Variants in PTGFRN observed in about 807,000 individuals in gnomAD.
PTGFRN encodes prostaglandin F2 receptor inhibitor.
In PTGFRN, 35 loss-of-function variants were observed where a neutral mutation model predicts 83.2. The ratio of observed to expected loss-of-function variants is 0.42; its 90% CI spans 0.32 to 0.56. PTGFRN has a LOEUF of 0.56. Ranked by LOEUF, PTGFRN falls within the 20% of genes least tolerant of loss-of-function variation. PTGFRN has a pLI of 0.11. For synonymous variants in PTGFRN, 519 were observed against 498.6 expected, an observed-to-expected ratio of 1.04 and a Z score of -0.55; for missense variants, 1,051 against 1,179.5, an observed-to-expected ratio of 0.89 and a Z score of 1.60.
At chr1:116,925,673 C>G (rs922426383) in intron 1 of PTGFRN, among the ~76,000 whole-genome samples, 2 of 152,124 alleles carry the variant, frequency 1.3e-5, no homozygotes, top group South Asian at 4.2e-4. Context: ...AGCTGGAGGT[C>G]CCTCCTTTCC....
intron 6 of PTGFRN, among the ~76,000 whole-genome samples, chr1:116,971,115 A>C (rs1650982865): frequency 6.6e-6 from 1 of 152,166 alleles, no homozygotes; most frequent in South Asian, 2.1e-4. Flanking sequence ...TCTTCCTAGA[A>C]TGTTTTTCTT....
intron 4 of PTGFRN, among the ~76,000 whole-genome samples, chr1:116,957,569 C>T (rs1248053896): frequency 6.6e-6 from 1 of 152,052 alleles, no homozygotes; most frequent in Non-Finnish European, 1.5e-5. Flanking sequence ...TGTTGAATGG[C>T]TAAATCAAGC....
At position 116,941,533 on chromosome 1, in the gene PTGFRN, T is replaced by C. The variant is rs977876926; in HGVS notation, c.50-182T>C. Among the ~76,000 whole-genome samples the C allele has an allele frequency of 1.3e-5, 2 of 152,234 alleles. No homozygotes were observed. Among genetic ancestry groups the C allele is most frequent in the African/African-American group, 4.8e-5 (2 of 41,458 alleles). ...GTGTGAGAGATGCTCATTTTGAGGT[T>C]GCATTCCTGGCTCATTATTTAAGGG... is the stretch of plus-strand genomic sequence containing the variant. On this transcript the variant is annotated intron_variant, in intron 1 of 8. Transcript: ENST00000393203. The surrounding 1 kb of genome is among the most constrained non-coding windows in gnomAD (Gnocchi z 5.0).
chr1:116,932,257 A>G (rs976867012), intron 1 of PTGFRN, among the ~76,000 whole-genome samples: 2 of 152,222 alleles, frequency 1.3e-5, no homozygotes, highest in African/African-American at 2.4e-5. Flanking sequence ...ATGGTTGGCA[A>G]TAGCACTTAT....
At position 116,984,674 on chromosome 1, in the gene PTGFRN, C is replaced by A; in HGVS notation, c.2168-6C>A. On this transcript the variant is annotated splice_polypyrimidine_tract_variant and splice_region_variant and intron_variant, in intron 7 of 8. Coordinates refer to ENST00000393203, the MANE Select transcript of PTGFRN (RefSeq NM_020440.4). ...GACCCCAGGGTTTTGGCTTGGTAATCCGTAGATGACATGGCCTTTGATGTG... is the reference window on the plus strand; with the variant it reads ...GACCCCAGGGTTTTGGCTTGGTAATACGTAGATGACATGGCCTTTGATGTG... The A allele has an allele frequency of 1.2e-6, 2 of 1,611,656 alleles. No individual in the cohort carries two copies. The highest frequency in any genetic ancestry group is 1.7e-6 in the Non-Finnish European group (2 of 1,178,588).
At chr1:116,919,422 GA>G (rs1241991735) in intron 1 of PTGFRN, among the ~76,000 whole-genome samples, 1 of 151,944 alleles carries the variant, frequency 6.6e-6, no homozygotes, top group African/African-American at 2.4e-5. Flanking sequence ...TTTTTAAAGA[GA>G]GGGGGTCTCT....
At position 116,910,138 on chromosome 1, in the gene PTGFRN, A is replaced by AGAG. The variant is rs571250223; in HGVS notation, c.-53_-51dup. 18 of 1,471,696 alleles carry AGAG rather than the reference A, an allele frequency of 1.2e-5. No individual in the cohort carries two copies. Among genetic ancestry groups the AGAG allele is most frequent in the Middle Eastern group, 2.3e-4 (1 of 4,366 alleles). The allele number at this position is 1,471,696 out of a possible 1,614,324, so 91.2% of individuals were successfully genotyped here. ...CGACTCTGGAGCAGCCGGAGCTGGA[A>AGAG]GAGGAGGAGGAGGAGAGGCGGCGGG... On this transcript the variant is annotated 5_prime_UTR_variant, in exon 1 of 9. Coordinates refer to ENST00000393203, the MANE Select transcript of PTGFRN (RefSeq NM_020440.4).
intron 1 of PTGFRN, among the ~76,000 whole-genome samples, chr1:116,912,433 C>T (rs943812043): frequency 6.6e-6 from 1 of 152,194 alleles, no homozygotes; most frequent in South Asian, 2.1e-4. Flanking sequence ...ACAAGATCAT[C>T]TTTCCTCCTG....
chr1:116,947,038 A>G (rs1038660432), intron 3 of PTGFRN, among the ~76,000 whole-genome samples: 2 of 152,204 alleles, frequency 1.3e-5, no homozygotes, highest in African/African-American at 2.4e-5. Flanking sequence ...TATTTCAGGT[A>G]CAGATTAATA....
At chr1:116,919,795 A>G (rs901080897) in intron 1 of PTGFRN, among the ~76,000 whole-genome samples, 2 of 152,244 alleles carry the variant, frequency 1.3e-5, no homozygotes, top group East Asian at 3.8e-4. Context: ...ACTGAAAGGA[A>G]TTGATATAAT....
chr1:116,982,831 G>A (rs114261328), intron 7 of PTGFRN, among the ~76,000 whole-genome samples: 2 of 152,316 alleles, frequency 1.3e-5, no homozygotes, highest in African/African-American at 4.8e-5. Flanking sequence ...ATAACCTCCA[G>A]GTGGCGGCTT....
chr1:116,927,705 A>ATT (rs1223484896), intron 1 of PTGFRN, among the ~76,000 whole-genome samples: 3 of 143,200 alleles, frequency 2.1e-5, no homozygotes, highest in Admixed American at 7.0e-5. Flanking sequence ...AGCTAATTAA[A>ATT]TTTTTTTTTT....
intron 5 of PTGFRN, among the ~76,000 whole-genome samples, chr1:116,966,332 C>A (rs189176567): frequency 1.2e-4 from 18 of 152,358 alleles, no homozygotes; most frequent in African/African-American, 4.3e-4. Flanking sequence ...ATTAGATCTG[C>A]AAATACATAC....
chr1:116,977,018 G>T (rs1651176048), intron 7 of PTGFRN, among the ~76,000 whole-genome samples: 1 of 152,132 alleles, frequency 6.6e-6, no homozygotes, highest in Non-Finnish European at 1.5e-5. Flanking sequence ...AAAATAAAGG[G>T]ATGGAGGAAA....
chr1:116,957,161 G>A (rs1650525372), intron 4 of PTGFRN, among the ~76,000 whole-genome samples: 3 of 151,810 alleles, frequency 2.0e-5, no homozygotes, highest in Admixed American at 6.6e-5. Flanking sequence ...CTGTGTGTGT[G>A]TGTGTGTGTG....
chr1:116,943,026 T>C (rs1650098662), intron 2 of PTGFRN, among the ~76,000 whole-genome samples: 1 of 152,232 alleles, frequency 6.6e-6, no homozygotes, highest in South Asian at 2.1e-4. Context: ...AATTATGCAT[T>C]TATTTGTACC....
chr1:116,911,458 C>T (rs1351834115), intron 1 of PTGFRN, among the ~76,000 whole-genome samples: 1 of 152,210 alleles, frequency 6.6e-6, no homozygotes, highest in African/African-American at 2.4e-5. Context: ...CCCCATGACT[C>T]CTGCTGCTGA....
In PTGFRN at chr1:116,949,497, C is replaced by T; in HGVS notation, c.1138C>T (p.Pro380Ser). ...TTACTGCCACGTGTCCCTGTGGGCA[C>T]CCGGACACAACAGGAGCTGGCACAA... The part of the protein sequence containing the change: ...YYYCHVSLWA[P>S]GHNRSWHKVA... Residue 380 changes from proline to serine, a missense_variant, in exon 4 of 9, where the codon CCC becomes TCC. Coordinates refer to ENST00000393203, the MANE Select transcript of PTGFRN (RefSeq NM_020440.4). The T allele has an allele frequency of 1.9e-6, 3 of 1,614,206 alleles. No homozygotes were observed. Among genetic ancestry groups the T allele is most frequent in the Non-Finnish European group, 2.5e-6 (3 of 1,180,048 alleles).
intron 7 of PTGFRN, among the ~76,000 whole-genome samples, chr1:116,974,680 G>A (rs1302509916): frequency 6.6e-6 from 1 of 152,088 alleles, no homozygotes; most frequent in African/African-American, 2.4e-5. Flanking sequence ...AGTTCCTTTG[G>A]TATACAAGTG....
Sources: allele counts gnomAD v4.1 joint callset (sites outside exome capture counted in the v4.1 genomes callset), GRCh38; gene constraint gnomAD v4.1.1; non-coding constraint Gnocchi (gnomAD v3.1); transcripts MANE v1.5; gene names NCBI Gene and HGNC (gene_info 2026-07-23, HGNC 2026-07-21).